The following BRINP3 variants were observed in gnomAD, a reference collection of about 807,000 sequenced individuals.
BRINP3 encodes the protein BMP/retinoic acid-inducible neural-specific protein 3.
A neutral mutation model predicts 71.0 loss-of-function variants in BRINP3; 19 were observed. The ratio of observed to expected loss-of-function variants is 0.27; its 90% confidence interval spans 0.19 to 0.39. The LOEUF (loss-of-function observed/expected upper bound fraction) is 0.39. Among genes scored for constraint, BRINP3 ranks in the 10% least tolerant of loss-of-function variants. BRINP3 has a pLI of 1.00. For missense variants in BRINP3, 959 were observed against 940.8 expected (o/e 1.02, Z -0.25); for synonymous variants, 380 against 337.7 (o/e 1.13, Z -1.37).
intron 7 of BRINP3, among the ~76,000 whole-genome samples, chr1:190,113,167 T>A (rs910809848): frequency 6.6e-6 from 1 of 152,118 alleles, no homozygotes; most frequent in African/African-American, 2.4e-5. Flanking sequence ...AATCAATTGA[T>A]TATTATTATA....
intron 2 of BRINP3, chr1:190,342,686 T>C (rs1345231957): frequency 6.6e-6 from 1 of 151,726 alleles, no homozygotes; most frequent in Non-Finnish European, 1.5e-5. Context: ...TTTGGGATTA[T>C]TCTCTTGCAG....
Position 190,348,400 on chromosome 1 carries a change from T to C in BRINP3, c.237-66650A>G, listed in dbSNP as rs76164359. ...AAATGTTCTACTAGTAACTAACAAA[T>C]CTGAAGAGAAAGCCAGTCACCTCCA... On this transcript the variant is annotated intron_variant, in intron 2 of 7. Coordinates refer to ENST00000367462, the MANE Select transcript of BRINP3 (RefSeq NM_199051.3). 3.3e-5 allele frequency among the ~76,000 whole-genome samples: 5 copies of C among 152,212 alleles called. No individual in the cohort carries two copies. The East Asian group carries it at 9.7e-4, about 29-fold the overall frequency.
At position 190,303,774 on chromosome 1, in the gene BRINP3, G is replaced by A. The variant is rs372649376; in HGVS notation, c.237-22024C>T. 5.3e-5 allele frequency among the ~76,000 whole-genome samples: 8 copies of A among 151,818 alleles called. No individual in the cohort carries two copies. In the South Asian group the frequency reaches 1.5e-3, roughly 28 times the overall value. On this transcript the variant is annotated intron_variant, in intron 2 of 7. Transcript: ENST00000367462. ...AGTCTCAATATTCAATTATTAATGT[G>A]ATATATGTGAAAATCTGGCAAATTG...
At chr1:190,359,149 TTAAAG>T (rs1668958126) in intron 2 of BRINP3, among the ~76,000 whole-genome samples, 1 of 151,642 alleles carries the variant, frequency 6.6e-6, no homozygotes, top group South Asian at 2.1e-4. Flanking sequence ...ACCCTAAAAC[TTAAAG>T]TATAATAACA....
chr1:190,118,228 G>C (rs148102358), intron 7 of BRINP3, among the ~76,000 whole-genome samples: 1 of 151,998 alleles, frequency 6.6e-6, no homozygotes, highest in Non-Finnish European at 1.5e-5. Context: ...ATTTTAAATA[G>C]AGGTAAGAAA....
At chr1:190,317,387 G>T (rs564344116) in intron 2 of BRINP3, among the ~76,000 whole-genome samples, 1 of 152,052 alleles carries the variant, frequency 6.6e-6, no homozygotes, top group African/African-American at 2.4e-5. Context: ...CAATTTCATG[G>T]TATAAACTGA....
At chr1:190,231,904 G>T (rs1266950103) in intron 5 of BRINP3, among the ~76,000 whole-genome samples, 1 of 151,738 alleles carries the variant, frequency 6.6e-6, no homozygotes, top group Non-Finnish European at 1.5e-5. Flanking sequence ...TATTTGCTTT[G>T]CTTAGATACA....
intron 2 of BRINP3, among the ~76,000 whole-genome samples, chr1:190,449,150 A>G (rs192340583): frequency 6.6e-6 from 1 of 152,190 alleles, no homozygotes; most frequent in Non-Finnish European, 1.5e-5. Flanking sequence ...GAAATTTTAA[A>G]ACAATATTTA....
At chr1:190,125,783 A>G (rs557570041) in intron 7 of BRINP3, among the ~76,000 whole-genome samples, 25 of 152,044 alleles carry the variant, frequency 1.6e-4, no homozygotes, top group Non-Finnish European at 3.1e-4. Context: ...TAGTGACTTA[A>G]GAGTAAGTTC....
chr1:190,414,894 C>T (rs1408353768), intron 2 of BRINP3, among the ~76,000 whole-genome samples: 1 of 152,114 alleles, frequency 6.6e-6, no homozygotes, highest in Non-Finnish European at 1.5e-5. Flanking sequence ...CAATCTTATA[C>T]CTCTAGTAAT....
At chr1:190,212,056 C>T (rs938248780) in intron 6 of BRINP3, among the ~76,000 whole-genome samples, 43 of 152,036 alleles carry the variant, frequency 2.8e-4, no homozygotes, top group Non-Finnish European at 5.7e-4. Context: ...AAAACCATAA[C>T]GATATCATGT....
chr1:190,428,204 TA>T (rs1247374087), intron 2 of BRINP3, among the ~76,000 whole-genome samples: 26 of 151,838 alleles, frequency 1.7e-4, no homozygotes, highest in Non-Finnish European at 2.7e-4. Flanking sequence ...TTTTCCTGAA[TA>T]AAAAAACAAA....
chr1:190,267,554 C>A (rs568795551), intron 3 of BRINP3, among the ~76,000 whole-genome samples: 11 of 151,672 alleles, frequency 7.3e-5, no homozygotes, highest in Admixed American at 5.2e-4. Context: ...AGCTTATATC[C>A]AATAAAAATA....
At chr1:190,246,270 T>C (rs1221237510) in intron 4 of BRINP3, among the ~76,000 whole-genome samples, 1 of 152,072 alleles carries the variant, frequency 6.6e-6, no homozygotes, top group African/African-American at 2.4e-5. Context: ...TTCTTGACTA[T>C]TTCCTCTAGA....
intron 6 of BRINP3, among the ~76,000 whole-genome samples, chr1:190,202,761 A>G (rs1186923955): frequency 6.6e-6 from 1 of 151,984 alleles, no homozygotes; most frequent in Non-Finnish European, 1.5e-5. Context: ...TCCATATAAG[A>G]TGTTACTTGC....
chr1:190,430,016 A>G (rs1673990292), intron 2 of BRINP3, among the ~76,000 whole-genome samples: 1 of 152,150 alleles, frequency 6.6e-6, no homozygotes, highest in Non-Finnish European at 1.5e-5. Flanking sequence ...TTCTAGAAAT[A>G]TTTTATATCT....
At chr1:190,154,188 C>A (rs1245603105) in intron 7 of BRINP3, 1 of 328,816 alleles carries the variant, frequency 3.0e-6, no homozygotes, top group African/African-American at 2.2e-5. Flanking sequence ...GCATTCCTCC[C>A]ATTTATATAC....
chr1:190,312,550 C>T (rs1665608904), intron 2 of BRINP3, among the ~76,000 whole-genome samples: 1 of 151,502 alleles, frequency 6.6e-6, no homozygotes, highest in African/African-American at 2.4e-5. Context: ...GTCTTTCTGC[C>T]TCAAAATAGG....
At chr1:190,462,498 GCCTGTT>G (rs1676462427) in intron 1 of BRINP3, among the ~76,000 whole-genome samples, 2 of 152,108 alleles carry the variant, frequency 1.3e-5, no homozygotes, top group African/African-American at 4.8e-5. Context: ...GAATTGAATA[GCCTGTT>G]CCTCTCCATT....
Sources: allele counts gnomAD v4.1 joint callset (sites outside exome capture counted in the v4.1 genomes callset), GRCh38; gene constraint gnomAD v4.1.1; transcripts MANE v1.5; gene names NCBI Gene and HGNC (gene_info 2026-07-23, HGNC 2026-07-21).